Variants in AEBP2 observed in about 807,000 individuals in gnomAD.
The protein encoded by AEBP2 is zinc finger protein AEBP2.
AEBP2 carries 10 observed loss-of-function variants against 50.8 expected under a neutral mutation model. The ratio of observed to expected loss-of-function variants is 0.20; its 90% CI spans 0.12 to 0.33. AEBP2 has a LOEUF of 0.33. Ranked by LOEUF, AEBP2 falls within the 10% of genes least tolerant of loss-of-function variation. The pLI is 1.00. For synonymous variants in AEBP2, 296 were observed against 261.3 expected, an observed-to-expected ratio of 1.13 and a Z score of -1.28; for missense variants, 570 against 688.0, an observed-to-expected ratio of 0.83 and a Z score of 1.92.
chr12:19,485,215 C>T (rs1948788538), intron 3 of AEBP2, among the ~76,000 whole-genome samples: 1 of 151,654 alleles, frequency 6.6e-6, no homozygotes, highest in African/African-American at 2.4e-5. Context: ...TTTGTTTTTT[C>T]CAAATCCTCT....
intron 5 of AEBP2, among the ~76,000 whole-genome samples, chr12:19,502,429 C>T (rs557008558): frequency 3.9e-4 from 59 of 151,932 alleles, no homozygotes; most frequent in African/African-American, 1.4e-3. Flanking sequence ...CCACCATGCC[C>T]GGCCTATCTT....
At chr12:19,466,316 T>C (rs1948472730) in intron 2 of AEBP2, among the ~76,000 whole-genome samples, 1 of 152,040 alleles carries the variant, frequency 6.6e-6, no homozygotes, top group African/African-American at 2.4e-5. Context: ...ATTAGCTGGG[T>C]GTAGTGGCAC....
At chr12:19,481,755 A>G (rs925570105) in intron 3 of AEBP2, among the ~76,000 whole-genome samples, 2 of 152,140 alleles carry the variant, frequency 1.3e-5, no homozygotes, top group Admixed American at 6.5e-5. Context: ...CTGGGATTAC[A>G]GGCATGAGCC....
At chr12:19,468,496 T>A (rs1438504222) in intron 2 of AEBP2, among the ~76,000 whole-genome samples, 1 of 152,202 alleles carries the variant, frequency 6.6e-6, no homozygotes, top group East Asian at 1.9e-4. Context: ...CTCTGACAGA[T>A]TAACATTGCA....
chr12:19,457,229 G>T, intron 1 of AEBP2: 1 of 1,598,290 alleles, frequency 6.3e-7, no homozygotes, highest in Non-Finnish European at 8.5e-7. Context: ...AAAAGGGCAT[G>T]CTCCTAGGTT....
chr12:19,415,615 T>A (rs899264749), intron 1 of AEBP2, among the ~76,000 whole-genome samples: 7 of 151,264 alleles, frequency 4.6e-5, no homozygotes, highest in Non-Finnish European at 1.0e-4. Context: ...TTACCTAAAA[T>A]TTTTCCAGAT....
At chr12:19,423,676 T>A (rs1592707093) in intron 1 of AEBP2, among the ~76,000 whole-genome samples, 1 of 152,192 alleles carries the variant, frequency 6.6e-6, no homozygotes, top group East Asian at 1.9e-4. Flanking sequence ...CTGAGGTTAA[T>A]GTAAAATACA....
At chr12:19,486,612 G>C (rs1316991087) in intron 3 of AEBP2, among the ~76,000 whole-genome samples, 1 of 151,946 alleles carries the variant, frequency 6.6e-6, no homozygotes, top group African/African-American at 2.4e-5. Flanking sequence ...CGAACTCGCA[G>C]GCCCAAGCGA....
chr12:19,483,567 C>G (rs975994557), intron 3 of AEBP2, among the ~76,000 whole-genome samples: 1 of 152,190 alleles, frequency 6.6e-6, no homozygotes, highest in Admixed American at 6.5e-5. Context: ...ATGGTGTTCT[C>G]TCTGCCAAAG....
chr12:19,415,338 A>C (rs1385272206), intron 1 of AEBP2, among the ~76,000 whole-genome samples: 28 of 50,262 alleles, frequency 5.6e-4, no homozygotes, highest in African/African-American at 2.4e-3. Context: ...AAAAAAAAAA[A>C]AAAAAAAAAA....
intron 2 of AEBP2, among the ~76,000 whole-genome samples, chr12:19,471,941 A>G (rs1184045555): frequency 6.6e-6 from 1 of 152,122 alleles, no homozygotes. Flanking sequence ...TAGGGTTGGG[A>G]ATTTTGAGTA....
At chr12:19,446,689 G>A (rs900136452) in intron 1 of AEBP2, among the ~76,000 whole-genome samples, 7 of 148,538 alleles carry the variant, frequency 4.7e-5, no homozygotes, top group Non-Finnish European at 8.9e-5. Flanking sequence ...CAGAGTTTGC[G>A]CCACTGCACT....
chr12:19,511,551 T>C (rs987371629), intron 5 of AEBP2, among the ~76,000 whole-genome samples: 1 of 152,148 alleles, frequency 6.6e-6, no homozygotes, highest in Non-Finnish European at 1.5e-5. Flanking sequence ...TGCTACTGAA[T>C]TTGTACTTTG....
intron 5 of AEBP2, chr12:19,509,069 G>T (rs1949195386): frequency 4.1e-5 from 24 of 588,702 alleles, no homozygotes; most frequent in South Asian, 4.0e-4. Context: ...ACATGGAGGG[G>T]TTCGTGCTGT....
intron 1 of AEBP2, among the ~76,000 whole-genome samples, chr12:19,444,816 CAT>C (rs1407941021): frequency 6.6e-6 from 1 of 152,172 alleles, no homozygotes; most frequent in Non-Finnish European, 1.5e-5. Context: ...AAGTACCTAA[CAT>C]AATATCTTGG....
rs1272252712 is a variant in AEBP2, at chr12:19,497,258, G to T, written c.1175-2839G>T. Among the ~76,000 whole-genome samples, 3 of 142,316 alleles carry T rather than the reference G, an allele frequency of 2.1e-5. No individual in the cohort carries two copies. The Admixed American group carries it at 2.2e-4, about 10-fold the overall frequency. The allele number at this position is 142,316 out of a possible 152,430, so 93.4% of individuals were successfully genotyped here. ...TCATCATCATTACACCTAAGGAGAA[G>T]ATAAATCATACAATATATGTAATTT... On this transcript the variant is annotated intron_variant, in intron 4 of 7. Transcript: ENST00000266508.
In AEBP2 at chr12:19,518,897, C is replaced by T. The variant is rs1949359082; in HGVS notation, c.*780C>T. On this transcript the variant is annotated 3_prime_UTR_variant, in exon 8 of 8. Coordinates refer to ENST00000266508, the MANE Select transcript of AEBP2 (RefSeq NM_153207.5). Reference sequence around the variant, plus strand: ...TGTTAACGGTTTTTGAAAAACCTTTCAAATTATTTGAATAATCTTCATATT... The same window carrying T: ...TGTTAACGGTTTTTGAAAAACCTTTTAAATTATTTGAATAATCTTCATATT... 1 of 396,186 alleles carries T rather than the reference C, an allele frequency of 2.5e-6. No homozygotes were observed. The highest frequency in any genetic ancestry group is 4.3e-6 in the Non-Finnish European group (1 of 230,860). 24.5% of individuals were successfully genotyped at this position (396,186 alleles called of 1,614,324 possible).
chr12:19,413,364 A>C, intron 1 of AEBP2: 2 of 1,056,284 alleles, frequency 1.9e-6, no homozygotes, highest in East Asian at 2.4e-5. Context: ...GTTTAATAGA[A>C]ATCCTTTAAA....
At chr12:19,417,773 C>T (rs1334617967) in intron 1 of AEBP2, among the ~76,000 whole-genome samples, 2 of 151,244 alleles carry the variant, frequency 1.3e-5, no homozygotes, top group African/African-American at 4.9e-5. Flanking sequence ...GGCACGATCT[C>T]GGCTCACTGC....
Sources: gnomAD v4.1 joint callset for allele counts (sites outside exome capture counted in the v4.1 genomes callset) on GRCh38, gnomAD v4.1.1 for gene constraint, MANE v1.5 for transcripts, NCBI Gene and HGNC (gene_info 2026-07-23, HGNC 2026-07-21) for gene names.